CNTN1: variants seen among roughly 807,000 people sequenced by gnomAD.
CNTN1 encodes contactin-1.
A neutral mutation model predicts 126.4 loss-of-function variants in CNTN1; 38 were observed. The observed-to-expected ratio is 0.30, with a 90% CI of 0.23 to 0.39. The LOEUF (loss-of-function observed/expected upper bound fraction) is 0.39. Among genes scored for constraint, CNTN1 ranks in the 10% least tolerant of loss-of-function variants. CNTN1 has a pLI of 1.00. For synonymous variants in CNTN1, 413 were observed against 422.6 expected, an observed-to-expected ratio of 0.98 and a Z score of 0.28; for missense variants, 1,009 against 1,248.4, an observed-to-expected ratio of 0.81 and a Z score of 2.89.
intron 16 of CNTN1, among the ~76,000 whole-genome samples, chr12:40,991,543 A>G (rs1948095303): frequency 6.6e-6 from 1 of 152,162 alleles, no homozygotes; most frequent in Admixed American, 6.5e-5. Flanking sequence ...AAAAAGGGCT[A>G]CCTTGGCCGG....
chr12:40,876,365 T>A (rs1209304049), intron 1 of CNTN1, among the ~76,000 whole-genome samples: 2 of 152,100 alleles, frequency 1.3e-5, no homozygotes, highest in Non-Finnish European at 2.9e-5. Context: ...ACAAGAATGC[T>A]TTGAAGAAAA....
At chr12:40,934,009 G>T in intron 9 of CNTN1, 131 bp downstream of exon 9, 4 of 736,048 alleles carry the variant, frequency 5.4e-6, no homozygotes, top group Non-Finnish European at 9.1e-6. Flanking sequence ...CATGGAGAAA[G>T]ATAAAATATT....
At chr12:41,032,702 G>A (rs922714031) in intron 23 of CNTN1, among the ~76,000 whole-genome samples, 1 of 152,244 alleles carries the variant, frequency 6.6e-6, no homozygotes, top group African/African-American at 2.4e-5. Context: ...GCTACTCTGA[G>A]TAAATCTTCC....
chr12:40,759,256 G>A (rs1938738225), intron 1 of CNTN1, among the ~76,000 whole-genome samples: 2 of 152,068 alleles, frequency 1.3e-5, no homozygotes, highest in African/African-American at 2.4e-5. Context: ...AATAAGGTTT[G>A]TTTATACAAA....
At chr12:40,816,128 C>G (rs191908456) in intron 1 of CNTN1, among the ~76,000 whole-genome samples, 1 of 152,076 alleles carries the variant, frequency 6.6e-6, no homozygotes, top group Non-Finnish European at 1.5e-5. Flanking sequence ...TGTTGTGTCT[C>G]TTCCTGCTTT....
chr12:40,783,690 C>CT (rs1939892060), intron 1 of CNTN1, among the ~76,000 whole-genome samples: 1 of 152,070 alleles, frequency 6.6e-6, no homozygotes, highest in Non-Finnish European at 1.5e-5. Flanking sequence ...CACAACACTC[C>CT]TTTACTCGTT....
chr12:40,963,490 A>G (rs927129280), intron 15 of CNTN1, among the ~76,000 whole-genome samples: 6 of 152,042 alleles, frequency 3.9e-5, no homozygotes, highest in Non-Finnish European at 5.9e-5. Context: ...AACTTAAATC[A>G]CTATAGATTA....
intron 23 of CNTN1, among the ~76,000 whole-genome samples, chr12:41,034,199 T>C (rs1172715904): frequency 6.6e-6 from 1 of 152,238 alleles, no homozygotes; most frequent in Admixed American, 6.5e-5. Flanking sequence ...TATTTTGTCT[T>C]CTAATAAATC....
chr12:40,995,861 T>A (rs1948200170), intron 17 of CNTN1, among the ~76,000 whole-genome samples: 1 of 152,234 alleles, frequency 6.6e-6, no homozygotes, highest in Non-Finnish European at 1.5e-5. Context: ...TGCAGTATAT[T>A]GTCAGACACA....
At chr12:40,948,416 A>C (rs992881007) in intron 14 of CNTN1, among the ~76,000 whole-genome samples, 47 of 150,492 alleles carry the variant, frequency 3.1e-4, no homozygotes, top group Admixed American at 3.3e-4. Context: ...AATAGCCAAC[A>C]TTTATTGTGG....
intron 23 of CNTN1, among the ~76,000 whole-genome samples, chr12:41,034,089 C>T (rs1429403626): frequency 6.6e-6 from 1 of 151,910 alleles, no homozygotes; most frequent in Admixed American, 6.6e-5. Flanking sequence ...TCATGATGTC[C>T]TGAACTGGAA....
intron 23 of CNTN1, among the ~76,000 whole-genome samples, chr12:41,055,358 G>A (rs1949781315): frequency 6.6e-6 from 1 of 151,916 alleles, no homozygotes; most frequent in African/African-American, 2.4e-5. Flanking sequence ...TCACGACAGT[G>A]GGTGTTTCTA....
chr12:40,860,288 C>T (rs1565844885), intron 1 of CNTN1, among the ~76,000 whole-genome samples: 1 of 152,066 alleles, frequency 6.6e-6, no homozygotes, highest in Non-Finnish European at 1.5e-5. Context: ...AATATTTTGT[C>T]TGGATGTCTT....
chr12:41,015,228 TTTA>T (rs1421235441), intron 18 of CNTN1, among the ~76,000 whole-genome samples: 1 of 152,188 alleles, frequency 6.6e-6, no homozygotes, highest in Non-Finnish European at 1.5e-5. Flanking sequence ...TCGTAAAATA[TTTA>T]TTTCTAAGTT....
At chr12:40,762,408 A>G (rs1443059820) in intron 1 of CNTN1, among the ~76,000 whole-genome samples, 1 of 152,172 alleles carries the variant, frequency 6.6e-6, no homozygotes, top group Non-Finnish European at 1.5e-5. Context: ...AATAGAAGTC[A>G]TCACCTTAGA....
At chr12:40,971,590 G>T (rs1409032867) in intron 15 of CNTN1, 22 of 1,525,942 alleles carry the variant, frequency 1.4e-5, no homozygotes, top group Non-Finnish European at 1.8e-5. Context: ...ACTCAATCTT[G>T]TAGCTTCTGC....
intron 1 of CNTN1, among the ~76,000 whole-genome samples, chr12:40,807,581 T>C (rs1183869113): frequency 4.6e-5 from 7 of 152,166 alleles, no homozygotes. Context: ...AAATGTAGAG[T>C]GATTAGAAGA....
At chr12:40,735,944 T>C (rs1293158504) in intron 1 of CNTN1, among the ~76,000 whole-genome samples, 1 of 151,986 alleles carries the variant, frequency 6.6e-6, no homozygotes, top group Non-Finnish European at 1.5e-5. Flanking sequence ...ATTGAGGAAA[T>C]CACATTGCTT....
intron 1 of CNTN1, among the ~76,000 whole-genome samples, chr12:40,733,036 G>A (rs1319122199): frequency 6.6e-6 from 1 of 151,994 alleles, no homozygotes; most frequent in Non-Finnish European, 1.5e-5. Flanking sequence ...GAGCCTAGAA[G>A]CTTCTGCATT....
Sources: allele counts gnomAD v4.1 joint callset (sites outside exome capture counted in the v4.1 genomes callset), GRCh38; gene constraint gnomAD v4.1.1; transcripts MANE v1.5; gene names NCBI Gene and HGNC (gene_info 2026-07-23, HGNC 2026-07-21).